The following AGBL4 variants were observed in gnomAD, a reference collection of about 807,000 sequenced individuals.
AGBL4 encodes the protein AGBL carboxypeptidase 4, also known as cytosolic carboxypeptidase 6.
Under a neutral mutation model 66.4 loss-of-function variants are expected in AGBL4, and 58 were observed. That is an observed-to-expected ratio of 0.87 (90% CI 0.71 to 1.09). AGBL4 has a LOEUF of 1.09. Ranked by LOEUF, AGBL4 falls within the 50% of genes least tolerant of loss-of-function variation. The pLI, the probability that AGBL4 is intolerant of heterozygous loss-of-function variation, is 0.00. For synonymous variants in AGBL4, 234 were observed against 222.9 expected (o/e 1.05, Z -0.44); for missense variants, 579 against 631.0 (o/e 0.92, Z 0.88).
intron 5 of AGBL4, among the ~76,000 whole-genome samples, chr1:48,957,326 T>C (rs1657561173): frequency 1.3e-5 from 2 of 152,344 alleles, no homozygotes; most frequent in Admixed American, 1.3e-4. Flanking sequence ...AGTTCATGTA[T>C]TCAACTTCGG....
chr1:49,914,061 T>A (rs539745806), intron 1 of AGBL4, among the ~76,000 whole-genome samples: 1 of 152,218 alleles, frequency 6.6e-6, no homozygotes, highest in East Asian at 1.9e-4. Flanking sequence ...CTTCTAGCCA[T>A]GGTAATCTCT....
At chr1:48,869,636 T>C in intron 5 of AGBL4, among the ~76,000 whole-genome samples, 1 of 152,118 alleles carries the variant, frequency 6.6e-6, no homozygotes, top group East Asian at 1.9e-4. Flanking sequence ...GCCTCAAACT[T>C]GGCAACTCTA....
chr1:48,678,161 C>T (rs947228697), intron 6 of AGBL4, among the ~76,000 whole-genome samples: 15 of 152,308 alleles, frequency 9.8e-5, no homozygotes, highest in African/African-American at 3.6e-4. Context: ...CTTCTCAGCA[C>T]AGCCAGCACC....
intron 2 of AGBL4, among the ~76,000 whole-genome samples, chr1:49,713,456 A>T (rs1399242010): frequency 6.6e-5 from 10 of 152,124 alleles, no homozygotes; most frequent in South Asian, 2.1e-4. Context: ...TTTATTTTTA[A>T]TGTTTTATAA....
At chr1:49,816,078 G>A (rs1237790314) in intron 2 of AGBL4, among the ~76,000 whole-genome samples, 1 of 151,920 alleles carries the variant, frequency 6.6e-6, no homozygotes, top group East Asian at 1.9e-4. Flanking sequence ...TAAGAGATGG[G>A]GTCTTGCTAT....
intron 3 of AGBL4, among the ~76,000 whole-genome samples, chr1:49,251,699 T>G (rs1047981049): frequency 2.6e-5 from 4 of 152,168 alleles, no homozygotes; most frequent in Admixed American, 2.6e-4. Flanking sequence ...CTGCAGATGC[T>G]GTACCTCAGT....
At chr1:49,838,855 A>T (rs190663344) in intron 2 of AGBL4, among the ~76,000 whole-genome samples, 1 of 152,128 alleles carries the variant, frequency 6.6e-6, no homozygotes, top group Non-Finnish European at 1.5e-5. Flanking sequence ...TTTAAAAAAA[A>T]CTCAACCATA....
At chr1:49,721,343 G>T (rs1049793955) in intron 2 of AGBL4, among the ~76,000 whole-genome samples, 3 of 151,948 alleles carry the variant, frequency 2.0e-5, no homozygotes, top group Non-Finnish European at 4.4e-5. Flanking sequence ...CTCACTCTTT[G>T]GGTCCGTGCC....
At chr1:48,877,170 C>T (rs1054328044) in intron 5 of AGBL4, among the ~76,000 whole-genome samples, 5 of 152,114 alleles carry the variant, frequency 3.3e-5, no homozygotes, top group Non-Finnish European at 5.9e-5. Flanking sequence ...TGTCTATAAT[C>T]CAGTGCCTAG....
At chr1:49,843,339 A>AT (rs1646050075) in intron 2 of AGBL4, among the ~76,000 whole-genome samples, 1 of 151,380 alleles carries the variant, frequency 6.6e-6, no homozygotes, top group Non-Finnish European at 1.5e-5. Flanking sequence ...GGGACTCAGC[A>AT]TTTTGCCCAG....
At chr1:48,774,049 G>A (rs1644961144) in intron 6 of AGBL4, among the ~76,000 whole-genome samples, 1 of 152,208 alleles carries the variant, frequency 6.6e-6, no homozygotes. Context: ...GACAGCTCTG[G>A]GCTGGCTTGG....
At chr1:48,849,421 C>A (rs1302014423) in intron 6 of AGBL4, among the ~76,000 whole-genome samples, 1 of 152,234 alleles carries the variant, frequency 6.6e-6, no homozygotes, top group Non-Finnish European at 1.5e-5. Flanking sequence ...TATTATGCTG[C>A]AGCAATGTAA....
intron 2 of AGBL4, among the ~76,000 whole-genome samples, chr1:49,720,902 A>G (rs1348472672): frequency 1.3e-5 from 2 of 152,190 alleles, no homozygotes; most frequent in South Asian, 2.1e-4. Context: ...GTAGTTTTCC[A>G]TATGTCAAAC....
Position 48,913,360 on chromosome 1 carries a change from A to G in AGBL4, c.595-46130T>C, listed in dbSNP as rs117629506. Among the ~76,000 whole-genome samples the G allele has an allele frequency of 1.2e-4, 18 of 152,272 alleles. No homozygotes were observed. In the East Asian group the frequency reaches 3.5e-3, roughly 29 times the overall value. On this transcript the variant is annotated intron_variant, in intron 5 of 13. Transcript: ENST00000371839. ...AGATAGCTTAAGGCAGAAGTCCCCA[A>G]ATCCCAGTTCTGTGTCCTGTTAGGA...
At chr1:49,498,679 G>A (rs1441204390) in intron 3 of AGBL4, among the ~76,000 whole-genome samples, 3 of 151,644 alleles carry the variant, frequency 2.0e-5, no homozygotes, top group African/African-American at 7.3e-5. Context: ...AATTATTCAG[G>A]GTTGAGCATG....
At chr1:49,082,366 C>CT (rs1339655390) in intron 4 of AGBL4, among the ~76,000 whole-genome samples, 15 of 152,154 alleles carry the variant, frequency 9.9e-5, no homozygotes, top group African/African-American at 3.6e-4. Flanking sequence ...ATACCCAAGA[C>CT]TGGGTAACTT....
At chr1:49,961,843 G>A (rs1344669526) in intron 1 of AGBL4, among the ~76,000 whole-genome samples, 1 of 152,040 alleles carries the variant, frequency 6.6e-6, no homozygotes, top group African/African-American at 2.4e-5. Flanking sequence ...AATAAAATTA[G>A]TTCCACAAAT....
At chr1:48,653,906 C>A (rs1440003624) in intron 7 of AGBL4, among the ~76,000 whole-genome samples, 1 of 152,146 alleles carries the variant, frequency 6.6e-6, no homozygotes. Flanking sequence ...GATTTAAATG[C>A]TCATGTTGCT....
rs1223139239 is a variant in AGBL4, at chr1:49,537,387, T to C, written c.282+159926A>G. ...AATGAGAGAAAACATTTGCAAACTATGCATCTCACAGGGGACTAATATCCA... is the reference window on the plus strand; with the variant it reads ...AATGAGAGAAAACATTTGCAAACTACGCATCTCACAGGGGACTAATATCCA... On this transcript the variant is annotated intron_variant, in intron 3 of 13. Coordinates refer to ENST00000371839, the MANE Select transcript of AGBL4 (RefSeq NM_032785.4). Among the ~76,000 whole-genome samples, 11 of 152,254 alleles carry C rather than the reference T, an allele frequency of 7.2e-5. No homozygotes were observed. The East Asian group carries it at 1.5e-3, about 21-fold the overall frequency.
Sources: gnomAD v4.1 joint callset for allele counts (sites outside exome capture counted in the v4.1 genomes callset) on GRCh38, gnomAD v4.1.1 for gene constraint, MANE v1.5 for transcripts, NCBI Gene and HGNC (gene_info 2026-07-23, HGNC 2026-07-21) for gene names.